SGCZ: variants seen among roughly 807,000 people sequenced by gnomAD.
SGCZ encodes the protein sarcoglycan zeta.
A neutral mutation model predicts 41.3 loss-of-function variants in SGCZ; 40 were observed. The ratio of observed to expected loss-of-function variants is 0.97; its 90% CI spans 0.75 to 1.26. The LOEUF (loss-of-function observed/expected upper bound fraction) is 1.26. Ranked by LOEUF, SGCZ falls within the 50% of genes most tolerant of loss-of-function variation. The pLI, the probability that SGCZ is intolerant of heterozygous loss-of-function variation, is 0.00. For missense variants in SGCZ, 552 were observed against 369.8 expected, an observed-to-expected ratio of 1.49 and a Z score of -4.04; for synonymous variants, 206 against 137.5, an observed-to-expected ratio of 1.50 and a Z score of -3.49.
chr8:14,784,076 G>T (rs1476505494), intron 1 of SGCZ, among the ~76,000 whole-genome samples: 2 of 150,314 alleles, frequency 1.3e-5, no homozygotes, highest in African/African-American at 4.9e-5. Context: ...TTTGAGATAG[G>T]GTCGCTCTCT....
chr8:15,172,192 C>T (rs199515299), intron 1 of SGCZ, among the ~76,000 whole-genome samples: 2 of 57,240 alleles, frequency 3.5e-5, no homozygotes, highest in East Asian at 5.1e-4. Flanking sequence ...GACGGAGTTT[C>T]GCTCTGTCGC....
chr8:15,161,332 T>A (rs1195653367), intron 1 of SGCZ, among the ~76,000 whole-genome samples: 1 of 152,188 alleles, frequency 6.6e-6, no homozygotes, highest in East Asian at 1.9e-4. Context: ...ATTTCAGCTT[T>A]CTCATTTCCT....
intron 1 of SGCZ, among the ~76,000 whole-genome samples, chr8:14,879,589 CACACAG>C (rs1804501869): frequency 1.9e-5 from 2 of 103,092 alleles, no homozygotes; most frequent in Admixed American, 9.3e-5. Context: ...CACACACAGA[CACACAG>C]ACACACACAC....
At chr8:14,471,838 A>G (rs1419696120) in intron 2 of SGCZ, among the ~76,000 whole-genome samples, 1 of 152,214 alleles carries the variant, frequency 6.6e-6, no homozygotes, top group Admixed American at 6.5e-5. Flanking sequence ...ATAAATGAAT[A>G]GATTCACTTC....
intron 1 of SGCZ, among the ~76,000 whole-genome samples, chr8:14,852,660 C>CA (rs1803375213): frequency 6.6e-6 from 1 of 152,148 alleles, no homozygotes; most frequent in Non-Finnish European, 1.5e-5. Flanking sequence ...CTACAAACAT[C>CA]TTGTCTTTTC....
intron 1 of SGCZ, among the ~76,000 whole-genome samples, chr8:14,562,886 G>C (rs117865795): frequency 2.6e-5 from 4 of 152,150 alleles, no homozygotes; most frequent in Non-Finnish European, 5.9e-5. Context: ...GAGAAGTCAC[G>C]TGATCTTAGA....
intron 1 of SGCZ, among the ~76,000 whole-genome samples, chr8:14,847,342 C>T (rs1803166286): frequency 6.6e-6 from 1 of 151,856 alleles, no homozygotes; most frequent in Non-Finnish European, 1.5e-5. Context: ...ACCAATATCC[C>T]TCATGAACAT....
chr8:14,998,504 T>C (rs1456150867), intron 1 of SGCZ, among the ~76,000 whole-genome samples: 1 of 148,836 alleles, frequency 6.7e-6, no homozygotes, highest in East Asian at 1.9e-4. Flanking sequence ...TGCATTTCAA[T>C]TAAATCCTTC....
intron 1 of SGCZ, among the ~76,000 whole-genome samples, chr8:14,641,093 C>T (rs1367189667): frequency 1.3e-5 from 2 of 151,664 alleles, no homozygotes; most frequent in East Asian, 3.9e-4. Context: ...ATCAAACTAA[C>T]ACTTCCAAAA....
chr8:14,791,678 C>G (rs1041819370), intron 1 of SGCZ, among the ~76,000 whole-genome samples: 2 of 152,184 alleles, frequency 1.3e-5, no homozygotes, highest in Non-Finnish European at 2.9e-5. Flanking sequence ...GTGGCAGCCT[C>G]TGCTGTTCAC....
chr8:14,123,640 T>G (rs750908933), intron 5 of SGCZ, among the ~76,000 whole-genome samples: 9 of 152,140 alleles, frequency 5.9e-5, no homozygotes, highest in Non-Finnish European at 8.8e-5. Context: ...AGGAAACTAT[T>G]GCTTCTATCT....
intron 1 of SGCZ, among the ~76,000 whole-genome samples, chr8:14,760,990 C>G (rs1202478331): frequency 6.6e-6 from 1 of 152,074 alleles, no homozygotes; most frequent in African/African-American, 2.4e-5. Context: ...AGATGTAGGT[C>G]AGAAGAAGCG....
intron 1 of SGCZ, among the ~76,000 whole-genome samples, chr8:14,822,107 C>T (rs1437164985): frequency 6.6e-6 from 1 of 151,066 alleles, no homozygotes; most frequent in African/African-American, 2.4e-5. Context: ...CACACACACA[C>T]ACGGTTAGAA....
intron 1 of SGCZ, among the ~76,000 whole-genome samples, chr8:15,041,654 A>G (rs1804100452): frequency 1.3e-5 from 2 of 152,146 alleles, no homozygotes; most frequent in African/African-American, 4.8e-5. Flanking sequence ...TTTCCTTAAT[A>G]GAAAATAAGA....
intron 4 of SGCZ, among the ~76,000 whole-genome samples, chr8:14,236,462 A>G (rs1382143): frequency 0.13 from 20,402 of 152,062 alleles, 1,504 homozygotes; most frequent in Admixed American, 0.2. Context: ...AAAAAAACCT[A>G]CAAATTAAGT....
chr8:14,690,210 G>A (rs1808755387), intron 1 of SGCZ, among the ~76,000 whole-genome samples: 1 of 151,546 alleles, frequency 6.6e-6, no homozygotes, highest in Admixed American at 6.6e-5. Flanking sequence ...TTTAGAAAAA[G>A]GGTTATGCCT....
At position 15,082,415 on chromosome 8, in the gene SGCZ, CAT is replaced by C. The variant is rs1361370076; in HGVS notation, c.39+155168_39+155169del. Among the ~76,000 whole-genome samples the C allele has an allele frequency of 3.8e-3, 536 of 140,046 alleles. 2 individuals are homozygous for C. Among genetic ancestry groups the C allele is most frequent in the African/African-American group, 0.013 (516 of 39,658 alleles). The allele number at this position is 140,046 out of a possible 152,430, so 91.9% of individuals were successfully genotyped here. ...ATATATACACACATATACACACACA[CAT>C]ATATATGTGTGTGTGTATATCTCTA... On this transcript the variant is annotated intron_variant, in intron 1 of 7. Coordinates refer to ENST00000382080, the MANE Select transcript of SGCZ (RefSeq NM_139167.4).
intron 1 of SGCZ, among the ~76,000 whole-genome samples, chr8:15,164,645 T>C (rs1175035877): frequency 6.6e-6 from 1 of 151,806 alleles, no homozygotes; most frequent in Non-Finnish European, 1.5e-5. Context: ...GCAAGTTTTT[T>C]TTTTTTTTTA....
intron 1 of SGCZ, among the ~76,000 whole-genome samples, chr8:14,657,967 C>T (rs983123368): frequency 1.3e-5 from 2 of 152,094 alleles, no homozygotes; most frequent in African/African-American, 2.4e-5. Flanking sequence ...GGTGAAAACA[C>T]AAAGCCAATG....
Sources: gnomAD v4.1 joint callset for allele counts (sites outside exome capture counted in the v4.1 genomes callset) on GRCh38, gnomAD v4.1.1 for gene constraint, MANE v1.5 for transcripts, NCBI Gene and HGNC (gene_info 2026-07-23, HGNC 2026-07-21) for gene names.